The following KLF15 variants were observed in gnomAD, a reference collection of about 807,000 sequenced individuals.
KLF15 encodes the protein Krueppel-like factor 15.
Under a neutral mutation model 24.6 loss-of-function variants are expected in KLF15, and 4 were observed. The ratio of observed to expected loss-of-function variants is 0.16; its 90% CI spans 0.08 to 0.37. The LOEUF is 0.37. Among genes scored for constraint, KLF15 ranks in the 10% least tolerant of loss-of-function variants. The probability of loss-of-function intolerance (pLI) is 1.00; values close to 1 mark genes in which losing one functional copy is unlikely to be tolerated. For synonymous variants in KLF15, 246 were observed against 236.3 expected (o/e 1.04, Z -0.37); for missense variants, 496 against 560.6 (o/e 0.88, Z 1.16).
At chr3:126,323,260 T>C in the KLF15 span, among the ~76,000 whole-genome samples, 1 of 149,830 alleles carries the variant, frequency 6.7e-6, no homozygotes, top group Admixed American at 6.7e-5. Flanking sequence ...GTTCTCTCTC[T>C]CCATACATGT....
the KLF15 span, among the ~76,000 whole-genome samples, chr3:126,314,734 A>G: frequency 6.6e-6 from 1 of 152,234 alleles, no homozygotes; most frequent in Admixed American, 6.5e-5. Flanking sequence ...AGGGCTAGAC[A>G]TGAGGGCCCT....
chr3:126,321,812 G>A, the KLF15 span, among the ~76,000 whole-genome samples: 4 of 152,230 alleles, frequency 2.6e-5, no homozygotes, highest in South Asian at 8.3e-4. Flanking sequence ...TGTGCCGTAT[G>A]TGTGTCGGCT....
intron 2 of KLF15, among the ~76,000 whole-genome samples, chr3:126,347,222 T>A (rs940453236): frequency 1.3e-5 from 2 of 152,222 alleles, no homozygotes; most frequent in African/African-American, 2.4e-5. Flanking sequence ...CTAACCCTCA[T>A]CCGCCAGACA....
chr3:126,346,002 G>A lies in KLF15; in HGVS notation c.1083-2107C>T, dbSNP rs142368268. Reference sequence around the variant, plus strand: ...CAGGGCCCCTGAGGCTGGAGCAGAGGTCTTGACACAGCCCCCTGCCCTGGC... The same window carrying A: ...CAGGGCCCCTGAGGCTGGAGCAGAGATCTTGACACAGCCCCCTGCCCTGGC... On this transcript the variant is annotated intron_variant, in intron 2 of 2. Transcript: ENST00000296233. Among the ~76,000 whole-genome samples, 920 of 152,328 alleles carry A rather than the reference G, an allele frequency of 6.0e-3. 15 individuals are homozygous for A. Among genetic ancestry groups the A allele is most frequent in the African/African-American group, 0.021 (888 of 41,570 alleles).
chr3:126,338,753 A>G (rs181470964), downstream of KLF15, among the ~76,000 whole-genome samples: 8 of 152,302 alleles, frequency 5.3e-5, no homozygotes, highest in East Asian at 9.7e-4. Flanking sequence ...TCTTCTCATC[A>G]GGTATTTCCA....
the KLF15 span, among the ~76,000 whole-genome samples, chr3:126,327,602 T>TC: frequency 2.0e-5 from 3 of 151,986 alleles, no homozygotes; most frequent in African/African-American, 7.2e-5. Context: ...TCTGCAGTCT[T>TC]CCCCCAGCCT....
At chr3:126,308,810 T>C in the KLF15 span, among the ~76,000 whole-genome samples, 2 of 152,124 alleles carry the variant, frequency 1.3e-5, no homozygotes, top group Admixed American at 6.5e-5. Context: ...AGGACTTCAT[T>C]CACATGCTGA....
chr3:126,295,986 T>C, the KLF15 span, among the ~76,000 whole-genome samples: 1 of 152,216 alleles, frequency 6.6e-6, no homozygotes, highest in Non-Finnish European at 1.5e-5. Context: ...ATATTCATAG[T>C]TGATGCTGAT....
chr3:126,313,623 G>T, the KLF15 span, among the ~76,000 whole-genome samples: 1 of 152,284 alleles, frequency 6.6e-6, no homozygotes, highest in East Asian at 1.9e-4. Flanking sequence ...CCTGCAGAGG[G>T]TCATTTTTCA....
chr3:126,310,956 C>T, the KLF15 span, among the ~76,000 whole-genome samples: 31 of 152,240 alleles, frequency 2.0e-4, no homozygotes, highest in South Asian at 2.1e-4. Flanking sequence ...TGCTCAGCTT[C>T]CCACTTGTCC....
At chr3:126,289,778 T>C in the KLF15 span, among the ~76,000 whole-genome samples, 1 of 152,354 alleles carries the variant, frequency 6.6e-6, no homozygotes, top group Non-Finnish European at 1.5e-5. Context: ...TCTGTAAACC[T>C]GAAAATATCT....
the KLF15 span, among the ~76,000 whole-genome samples, chr3:126,303,729 T>A: frequency 2.0e-5 from 3 of 151,942 alleles, no homozygotes; most frequent in African/African-American, 7.2e-5. Context: ...TCTTTTTTTT[T>A]AACTAAACTC....
chr3:126,346,050 C>G (rs2082533562), intron 2 of KLF15, among the ~76,000 whole-genome samples: 1 of 152,216 alleles, frequency 6.6e-6, no homozygotes, highest in South Asian at 2.1e-4. Flanking sequence ...CCTGGACTCC[C>G]AGTCAGCAGA....
the KLF15 span, among the ~76,000 whole-genome samples, chr3:126,313,979 G>A: frequency 6.6e-6 from 1 of 152,358 alleles, no homozygotes; most frequent in East Asian, 1.9e-4. Context: ...ATACAGTTAT[G>A]TGTTGCCAGT....
chr3:126,348,008 C>T (rs556270763), intron 2 of KLF15, among the ~76,000 whole-genome samples: 1 of 152,226 alleles, frequency 6.6e-6, no homozygotes, highest in East Asian at 1.9e-4. Context: ...GGAGAGCTCC[C>T]CCACGGGGAG....
the KLF15 span, chr3:126,290,549 T>TTCCTTCCC: frequency 6.6e-6 from 1 of 152,058 alleles, no homozygotes; most frequent in Non-Finnish European, 1.5e-5. Context: ...CCTTCCTTCC[T>TTCCTTCCC]CTGTCTCACA....
At chr3:126,329,737 C>T in the KLF15 span, among the ~76,000 whole-genome samples, 1 of 136,304 alleles carries the variant, frequency 7.3e-6, no homozygotes, top group Non-Finnish European at 1.5e-5. Context: ...GGGATCTTTA[C>T]AATACTGAGT....
the KLF15 span, among the ~76,000 whole-genome samples, chr3:126,315,735 A>G: frequency 6.6e-6 from 1 of 152,234 alleles, no homozygotes; most frequent in African/African-American, 2.4e-5. Context: ...TCAGGCCTGC[A>G]TGACTCCAAA....
At chr3:126,308,349 G>A in the KLF15 span, among the ~76,000 whole-genome samples, 1 of 152,180 alleles carries the variant, frequency 6.6e-6, no homozygotes, top group Non-Finnish European at 1.5e-5. Flanking sequence ...ACTCCCTGGT[G>A]TCCATCAGTC....
Sources: gnomAD v4.1 joint callset for allele counts (sites outside exome capture counted in the v4.1 genomes callset) on GRCh38, gnomAD v4.1.1 for gene constraint, MANE v1.5 for transcripts, NCBI Gene and HGNC (gene_info 2026-07-23, HGNC 2026-07-21) for gene names.